The following P2RX1 variants were observed in gnomAD, a reference collection of about 807,000 sequenced individuals.
P2RX1 encodes P2X purinoceptor 1.
Under a neutral mutation model 50.3 loss-of-function variants are expected in P2RX1, and 42 were observed. The ratio of observed to expected loss-of-function variants is 0.83; its 90% confidence interval spans 0.65 to 1.08. P2RX1 has a LOEUF of 1.08. Among genes scored for constraint, P2RX1 ranks in the 50% least tolerant of loss-of-function variants. P2RX1 has a pLI of 0.00. For missense variants in P2RX1, 449 were observed against 529.0 expected (o/e 0.85, Z 1.48); for synonymous variants, 199 against 202.6 (o/e 0.98, Z 0.15).
chr17:3,902,860 C>G (rs1437324317), intron 7 of P2RX1, among the ~76,000 whole-genome samples: 1 of 151,596 alleles, frequency 6.6e-6, no homozygotes, highest in African/African-American at 2.4e-5. Context: ...CCACCCGCCT[C>G]TGACTCCCAA....
In P2RX1 at chr17:3,903,520, G is replaced by T; in HGVS notation, c.605+31C>A. The T allele has an allele frequency of 6.2e-7, 1 of 1,608,494 alleles. No individual in the cohort carries two copies. ...GCTGCCGGAGCGGCCCCGGCCAGCT[G>T]CCTGCATTTCTGCCCGAATTTCCCA... On this transcript the variant is annotated intron_variant, in intron 6 of 11. Transcript: ENST00000225538. This position sits in a 1 kb window ranked among gnomAD's most constrained non-coding sequence, Gnocchi z 4.6.
chr17:3,897,939 C>T (rs1044856927), intron 11 of P2RX1, 60 bp from the exon 12 acceptor site: 11 of 1,607,198 alleles, frequency 6.8e-6, no homozygotes, highest in South Asian at 4.4e-5. Context: ...CAGCTGCCCA[C>T]GCCCCCCACC....
At chr17:3,909,562 A>T (rs564335690) in intron 1 of P2RX1, among the ~76,000 whole-genome samples, 4 of 152,042 alleles carry the variant, frequency 2.6e-5, no homozygotes, top group Non-Finnish European at 5.9e-5. Context: ...TTCAACAAAC[A>T]TGAGCCGGGT....
At chr17:3,910,419 G>T (rs192478359) in intron 1 of P2RX1, among the ~76,000 whole-genome samples, 27 of 152,246 alleles carry the variant, frequency 1.8e-4, no homozygotes, top group East Asian at 3.9e-4. Context: ...TATCACCCAG[G>T]CTCAACACCC....
rs148431194 is a variant in P2RX1 at position 3,916,195 on chromosome 17, C to T, written c.31G>A (p.Ala11Thr). Residue 11 changes from alanine (A) to threonine (T), a missense_variant, in exon 1 of 12, where the codon GCC becomes ACC. Physicochemically the swap from Ala to Thr is moderately conservative, Grantham distance 58. Coordinates refer to ENST00000225538, the MANE Select transcript of P2RX1 (RefSeq NM_002558.4). Reference sequence around the variant, plus strand: ...GGGGTGTCATACTCGAAGAGGAAGGCGGCCAGCTCCTCCTGGAACCGCCGT... The same window carrying T: ...GGGGTGTCATACTCGAAGAGGAAGGTGGCCAGCTCCTCCTGGAACCGCCGT... MARRFQEELA[A>T]FLFEYDTPRM... 2.5e-4 allele frequency: 403 copies of T among 1,613,124 alleles called. 2 individuals carry two copies. The highest frequency in any genetic ancestry group is 1.0e-3 in the South Asian group (93 of 91,082).
intron 7 of P2RX1, among the ~76,000 whole-genome samples, chr17:3,900,597 G>GTTTA (rs1477114752): frequency 1.3e-5 from 2 of 152,036 alleles, no homozygotes; most frequent in Non-Finnish European, 2.9e-5. Context: ...ACCATTTCTT[G>GTTTA]TTTATTTATT....
intron 7 of P2RX1, among the ~76,000 whole-genome samples, chr17:3,902,246 C>T (rs895633548): frequency 6.6e-6 from 1 of 152,038 alleles, no homozygotes; most frequent in African/African-American, 2.4e-5. Flanking sequence ...TTGCATCAGC[C>T]TCCTGAGTAG....
chr17:3,904,612 G>A, intron 3 of P2RX1: 1 of 632,496 alleles, frequency 1.6e-6, no homozygotes, highest in Non-Finnish European at 2.8e-6. Flanking sequence ...CACTGCCAAT[G>A]TCAGCTGGGC....
Position 3,898,242 on chromosome 17 carries a change from GGGT to G in P2RX1, c.1033-135_1033-133del. 4.8e-6 allele frequency: 4 copies of G among 832,670 alleles called. No individual in the cohort carries two copies. In the South Asian group the frequency reaches 5.6e-5, roughly 12 times the overall value. The allele number at this position is 832,670 out of a possible 1,614,324, so 51.6% of individuals were successfully genotyped here. The stretch of plus-strand genomic sequence containing the variant: ...CCTCACTGGAGGCCAGTTTCCTGGA[GGGT>G]GGATGAGGCCCTGCAGGACTCTCAG... On this transcript the variant is annotated intron_variant, in intron 10 of 11. Transcript: ENST00000225538.
intron 1 of P2RX1, among the ~76,000 whole-genome samples, chr17:3,905,804 G>A (rs548412313): frequency 4.7e-4 from 69 of 146,906 alleles, no homozygotes; most frequent in Non-Finnish European, 8.8e-4. Flanking sequence ...CCGAGATCGC[G>A]CTATTGCACT....
At chr17:3,911,476 G>C (rs1036672262) in intron 1 of P2RX1, among the ~76,000 whole-genome samples, 1 of 152,234 alleles carries the variant, frequency 6.6e-6, no homozygotes, top group Non-Finnish European at 1.5e-5. Context: ...CCAGGCGTGA[G>C]GCCTGCCGGG....
intron 1 of P2RX1, among the ~76,000 whole-genome samples, chr17:3,909,468 G>A (rs1162060262): frequency 6.6e-6 from 1 of 152,172 alleles, no homozygotes; most frequent in African/African-American, 2.4e-5. Context: ...TTCCCTGAGT[G>A]AGCTGCCTCA....
intron 1 of P2RX1, among the ~76,000 whole-genome samples, chr17:3,913,101 G>A (rs533115644): frequency 6.6e-6 from 1 of 151,066 alleles, no homozygotes; most frequent in Admixed American, 6.6e-5. Flanking sequence ...GAGCTCATCA[G>A]CTCTTCGGGG....
chr17:3,905,321 T>C lies in P2RX1; in HGVS notation c.184A>G (p.Ile62Val), dbSNP rs746467660. 2 of 1,613,936 alleles carry C rather than the reference T, an allele frequency of 1.2e-6. No individual in the cohort carries two copies. The highest frequency in any genetic ancestry group is 3.3e-5 in the Admixed American group (2 of 60,030). ...TTGAGTTTCACAGAGACACTGCTGA[T>C]GAGGCCGCTCGAGGTCTGGTAGCCC... ...EKGYQTSSGLISSVSVKLKGL... is the reference protein window; with the variant it reads ...EKGYQTSSGLVSSVSVKLKGL... Residue 62 changes from isoleucine to valine, a missense_variant, in exon 2 of 12, where the codon ATC becomes GTC. Ile to Val is a conservative substitution (Grantham distance 29). Coordinates refer to ENST00000225538, the MANE Select transcript of P2RX1 (RefSeq NM_002558.4).
chr17:3,903,761 TG>T lies in P2RX1; in HGVS notation c.525-131del. 1 of 1,136,010 alleles carries T rather than the reference TG, an allele frequency of 8.8e-7. No homozygotes were observed. Among genetic ancestry groups the T allele is most frequent in the Admixed American group, 1.8e-5 (1 of 54,632 alleles). The allele number at this position is 1,136,010 out of a possible 1,614,324, so 70.4% of individuals were successfully genotyped here. A position where few individuals can be genotyped will look rare whatever the true frequency, so the allele number is the denominator to read the frequency against. On this transcript the variant is annotated intron_variant, in intron 5 of 11. Transcript: ENST00000225538. This position sits in a 1 kb window ranked among gnomAD's most constrained non-coding sequence, Gnocchi z 4.6. The stretch of plus-strand genomic sequence containing the variant: ...CTGCAGCCCTGGGCTGGTGGAGGGG[TG>T]GGTGTGCTCTAGCGTGGCCAGGACC...
rs1457797869 is a variant in P2RX1 at position 3,909,323 on chromosome 17, C to A, written c.138-3956G>T. Among the ~76,000 whole-genome samples, 3 of 151,854 alleles carry A rather than the reference C, an allele frequency of 2.0e-5. No individual in the cohort carries two copies. The East Asian group carries it at 5.8e-4, about 29-fold the overall frequency. On this transcript the variant is annotated intron_variant, in intron 1 of 11. Coordinates refer to ENST00000225538, the MANE Select transcript of P2RX1 (RefSeq NM_002558.4). ...GGGATTACAGGCGGGAGCCACCGCG[C>A]CCGGCCTCTATGAGTTCTTAAGGAA...
chr17:3,908,629 T>C (rs1214682734), intron 1 of P2RX1, among the ~76,000 whole-genome samples: 1 of 152,174 alleles, frequency 6.6e-6, no homozygotes, highest in African/African-American at 2.4e-5. Context: ...CATGCCTTGA[T>C]CTGGCCTTAT....
rs79528611 is a variant in P2RX1, at chr17:3,898,643, G to T, written c.967-94C>A. ...GGGACAAGGGGACTTCCCCACCCTC[G>T]GCTGTGAACTGTCCCCACCTCGGAC... On this transcript the variant is annotated intron_variant, in intron 9 of 11. Transcript: ENST00000225538. The T allele has an allele frequency of 6.7e-3, 6,322 of 949,092 alleles. 275 individuals carry two copies. In the African/African-American group the frequency reaches 0.091, roughly 14 times the overall value. 58.8% of individuals were successfully genotyped at this position (949,092 alleles called of 1,614,324 possible). A position where few individuals can be genotyped will look rare whatever the true frequency, so the allele number is the denominator to read the frequency against.
intron 1 of P2RX1, among the ~76,000 whole-genome samples, chr17:3,911,676 C>T (rs60653122): frequency 2.6e-5 from 4 of 152,224 alleles, no homozygotes; most frequent in Admixed American, 1.3e-4. Context: ...ATCCGGGCGC[C>T]TCAGCCTGGT....
Sources: gnomAD v4.1 joint callset for allele counts (sites outside exome capture counted in the v4.1 genomes callset) on GRCh38, gnomAD v4.1.1 for gene constraint, Gnocchi (gnomAD v3.1) non-coding constraint, MANE v1.5 for transcripts, NCBI Gene and HGNC (gene_info 2026-07-23, HGNC 2026-07-21) for gene names.